LARGE1: variants seen among roughly 807,000 people sequenced by gnomAD.
The protein encoded by LARGE1 is xylosyl- and glucuronyltransferase LARGE1.
LARGE1 carries 43 observed loss-of-function variants against 87.6 expected under a neutral mutation model. The ratio of observed to expected loss-of-function variants is 0.49; its 90% CI spans 0.38 to 0.63. LARGE1 has a LOEUF of 0.63. Ranked by LOEUF, LARGE1 falls within the 30% of genes least tolerant of loss-of-function variation. The pLI is 0.00. For synonymous variants in LARGE1, 434 were observed against 394.6 expected (o/e 1.10, Z -1.18); for missense variants, 802 against 1,000.2 (o/e 0.80, Z 2.67).
chr22:33,738,216 G>A (rs544221948), intron 2 of LARGE1, among the ~76,000 whole-genome samples: 18 of 152,248 alleles, frequency 1.2e-4, no homozygotes, highest in African/African-American at 4.1e-4. Flanking sequence ...AGCCCATTCT[G>A]GGAAAAATAA....
intron 1 of LARGE1, among the ~76,000 whole-genome samples, chr22:33,794,355 G>A (rs1424106462): frequency 6.6e-6 from 1 of 152,162 alleles, no homozygotes; most frequent in Non-Finnish European, 1.5e-5. Flanking sequence ...GGGCCCCAAG[G>A]GCTCAGGCTG....
intron 6 of LARGE1, among the ~76,000 whole-genome samples, chr22:33,556,369 A>G (rs897113797): frequency 1.3e-5 from 2 of 152,020 alleles, no homozygotes; most frequent in Non-Finnish European, 2.9e-5. Flanking sequence ...CATTTAATAG[A>G]TATTAGCAAC....
At chr22:33,334,812 G>A (rs1938235498) in intron 10 of LARGE1, among the ~76,000 whole-genome samples, 2 of 152,128 alleles carry the variant, frequency 1.3e-5, no homozygotes, top group South Asian at 4.1e-4. Flanking sequence ...TACAGGGGTG[G>A]GCTCAGTCTC....
chr22:33,881,766 A>T (rs2064691293), intron 1 of LARGE1, among the ~76,000 whole-genome samples: 1 of 152,206 alleles, frequency 6.6e-6, no homozygotes, highest in African/African-American at 2.4e-5. Flanking sequence ...AACAAGTTAC[A>T]ATGTCTCACT....
intron 2 of LARGE1, among the ~76,000 whole-genome samples, chr22:33,739,962 T>C (rs766918201): frequency 3.3e-5 from 5 of 152,086 alleles, no homozygotes; most frequent in Non-Finnish European, 7.4e-5. Flanking sequence ...CAAAAGCCAA[T>C]AGAGAAATTT....
chr22:33,465,674 G>A (rs1163028142), intron 6 of LARGE1, among the ~76,000 whole-genome samples: 1 of 152,180 alleles, frequency 6.6e-6, no homozygotes, highest in African/African-American at 2.4e-5. Flanking sequence ...TGAAGCCAGC[G>A]AGGGAAGGAA....
chr22:33,233,667 TA>T (rs1418296949), intron 11 of LARGE1, among the ~76,000 whole-genome samples: 1 of 152,160 alleles, frequency 6.6e-6, no homozygotes, highest in Non-Finnish European at 1.5e-5. Context: ...TGAAAGTCCC[TA>T]AGAAAAGGGC....
At chr22:33,431,591 A>T (rs981548278) in intron 7 of LARGE1, among the ~76,000 whole-genome samples, 1 of 152,172 alleles carries the variant, frequency 6.6e-6, no homozygotes, top group Admixed American at 6.5e-5. Flanking sequence ...ACACGCTTTA[A>T]AGGGAGGCAT....
the LARGE1 span, among the ~76,000 whole-genome samples, chr22:33,130,097 A>C: frequency 1.3e-5 from 2 of 151,772 alleles, no homozygotes; most frequent in African/African-American, 4.8e-5. Flanking sequence ...GGCGGATCAC[A>C]AGGTCAGGAG....
At chr22:33,082,879 G>T in the LARGE1 span, among the ~76,000 whole-genome samples, 1 of 152,030 alleles carries the variant, frequency 6.6e-6, no homozygotes, top group African/African-American at 2.4e-5. Context: ...CAAAAAATTA[G>T]CCGGGCGTGG....
intron 3 of LARGE1, among the ~76,000 whole-genome samples, chr22:33,638,105 T>C (rs992796010): frequency 3.3e-5 from 5 of 152,174 alleles, no homozygotes; most frequent in Admixed American, 2.6e-4. Context: ...ATAAAATGTG[T>C]GTCTAAATGC....
intron 1 of LARGE1, among the ~76,000 whole-genome samples, chr22:33,905,173 C>T (rs2065408544): frequency 6.6e-6 from 1 of 151,044 alleles, no homozygotes; most frequent in Non-Finnish European, 1.5e-5. Flanking sequence ...ACAAGGAATC[C>T]ACCTCCCAGT....
chr22:33,835,731 T>C (rs1269783222), intron 1 of LARGE1, among the ~76,000 whole-genome samples: 1 of 152,146 alleles, frequency 6.6e-6, no homozygotes, highest in African/African-American at 2.4e-5. Flanking sequence ...TTATCATCTT[T>C]AAAATAGGGG....
rs536692719 is a variant in LARGE1 at position 33,503,255 on chromosome 22, T to G, written c.787+61593A>C. On this transcript the variant is annotated intron_variant, in intron 6 of 14. Transcript: ENST00000397394. ...TTAGGAGTTCCCCTTTTTTTTTTTT[T>G]TTTGTTTTTTTTTTTGTTTGAGATG... 1.2e-3 allele frequency among the ~76,000 whole-genome samples: 182 copies of G among 149,746 alleles called. 1 individual carries two copies. Among genetic ancestry groups the G allele is most frequent in the African/African-American group, 4.3e-3 (175 of 40,234 alleles).
At chr22:33,784,989 GTACGTGTATATACATA>G (rs1407733183) in intron 1 of LARGE1, among the ~76,000 whole-genome samples, 5 of 149,976 alleles carry the variant, frequency 3.3e-5, no homozygotes, top group African/African-American at 1.2e-4. Context: ...ATACATATGT[GTACGTGTATATACATA>G]TATGTGTATA....
chr22:33,617,534 T>C (rs969464592), intron 4 of LARGE1, among the ~76,000 whole-genome samples: 1 of 152,238 alleles, frequency 6.6e-6, no homozygotes, highest in African/African-American at 2.4e-5. Context: ...AGTTTTATAT[T>C]TGTATAACAT....
chr22:33,327,616 T>C (rs1937354058), intron 10 of LARGE1, among the ~76,000 whole-genome samples: 1 of 152,160 alleles, frequency 6.6e-6, no homozygotes. Flanking sequence ...AGTGTGGTGG[T>C]GCCGTCTCGA....
At chr22:33,503,319 C>G (rs2070591661) in intron 6 of LARGE1, among the ~76,000 whole-genome samples, 1 of 143,822 alleles carries the variant, frequency 7.0e-6, no homozygotes, top group Admixed American at 7.1e-5. Context: ...TGCAGTGGTG[C>G]GATCTCGGCT....
chr22:33,367,481 A>C (rs1303754552), intron 9 of LARGE1, among the ~76,000 whole-genome samples: 1 of 152,150 alleles, frequency 6.6e-6, no homozygotes, highest in East Asian at 1.9e-4. Context: ...ACGGTGGTGC[A>C]ATCACAGTTT....
Sources: allele counts gnomAD v4.1 joint callset (sites outside exome capture counted in the v4.1 genomes callset), GRCh38; gene constraint gnomAD v4.1.1; transcripts MANE v1.5; gene names NCBI Gene and HGNC (gene_info 2026-07-23, HGNC 2026-07-21).